MCU: variants seen among roughly 807,000 people sequenced by gnomAD.
MCU encodes mitochondrial calcium uniporter, also known as calcium uniporter protein, mitochondrial.
MCU carries 12 observed loss-of-function variants against 45.2 expected under a neutral mutation model. The ratio of observed to expected loss-of-function variants is 0.27; its 90% CI spans 0.17 to 0.43. MCU has a LOEUF of 0.43. Among genes scored for constraint, MCU ranks in the 20% least tolerant of loss-of-function variants. The pLI is 1.00. For missense variants in MCU, 324 were observed against 436.7 expected, an observed-to-expected ratio of 0.74 and a Z score of 2.30; for synonymous variants, 160 against 165.1, an observed-to-expected ratio of 0.97 and a Z score of 0.24.
chr10:72,779,347 G>A (rs1843952823), intron 1 of MCU, among the ~76,000 whole-genome samples: 1 of 152,216 alleles, frequency 6.6e-6, no homozygotes, highest in African/African-American at 2.4e-5. Flanking sequence ...GACAACAGGT[G>A]TAAACCTTCA....
intron 1 of MCU, among the ~76,000 whole-genome samples, chr10:72,795,738 G>A (rs1021419302): frequency 1.3e-5 from 2 of 152,132 alleles, no homozygotes; most frequent in Non-Finnish European, 2.9e-5. Flanking sequence ...AGTGGCTTAT[G>A]CCTGTAATCC....
chr10:72,758,498 T>A (rs1436967602), intron 1 of MCU, among the ~76,000 whole-genome samples: 1 of 152,200 alleles, frequency 6.6e-6, no homozygotes, highest in South Asian at 2.1e-4. Context: ...GGTGTATGTA[T>A]GAAACCTCAG....
At chr10:72,805,101 C>CTCTCTTTCTTTCTT in intron 1 of MCU, among the ~76,000 whole-genome samples, 1 of 103,454 alleles carries the variant, frequency 9.7e-6, no homozygotes, top group African/African-American at 4.3e-5. Context: ...TTCTTTCTTT[C>CTCTCTTTCTTTCTT]TCTTTCTTTC....
chr10:72,702,814 T>TAAA (rs996798167), intron 1 of MCU, among the ~76,000 whole-genome samples: 6 of 151,536 alleles, frequency 4.0e-5, no homozygotes, highest in African/African-American at 1.2e-4. Flanking sequence ...CCATCCCTAC[T>TAAA]AAAAAAATAC....
At chr10:72,755,049 G>A (rs1459542292) in intron 1 of MCU, among the ~76,000 whole-genome samples, 1 of 152,026 alleles carries the variant, frequency 6.6e-6, no homozygotes, top group Non-Finnish European at 1.5e-5. Context: ...AGTTAGGAAG[G>A]GAATATAATA....
intron 2 of MCU, among the ~76,000 whole-genome samples, chr10:72,851,200 A>C (rs912170933): frequency 6.6e-6 from 1 of 152,204 alleles, no homozygotes; most frequent in Non-Finnish European, 1.5e-5. Flanking sequence ...AAAAAGCATC[A>C]TGCTCTTTAA....
intron 1 of MCU, among the ~76,000 whole-genome samples, chr10:72,700,412 A>G (rs1454251037): frequency 6.6e-6 from 1 of 152,138 alleles, no homozygotes; most frequent in Non-Finnish European, 1.5e-5. Flanking sequence ...ATTACTCTCT[A>G]ATTTAGATTA....
chr10:72,830,831 G>T (rs971661814), intron 1 of MCU, among the ~76,000 whole-genome samples: 1 of 152,150 alleles, frequency 6.6e-6, no homozygotes, highest in Non-Finnish European at 1.5e-5. Context: ...ACCTGTGGTC[G>T]CAGATCCCCA....
chr10:72,882,358 C>T (rs866880960), intron 6 of MCU, among the ~76,000 whole-genome samples: 12 of 152,266 alleles, frequency 7.9e-5, no homozygotes, highest in South Asian at 4.2e-4. Context: ...AAACTCTGAC[C>T]GCCAGTGAGC....
intron 6 of MCU, among the ~76,000 whole-genome samples, chr10:72,877,009 C>T (rs991486380): frequency 2.0e-5 from 3 of 151,070 alleles, no homozygotes; most frequent in African/African-American, 7.3e-5. Context: ...GAAGCATCTA[C>T]CTCTCAGACC....
chr10:72,724,053 G>A (rs933694757), intron 1 of MCU, among the ~76,000 whole-genome samples: 1 of 152,182 alleles, frequency 6.6e-6, no homozygotes, highest in Non-Finnish European at 1.5e-5. Flanking sequence ...GAAATAGCTT[G>A]TGATTCTTTA....
chr10:72,783,540 G>C (rs1420179185), intron 1 of MCU, among the ~76,000 whole-genome samples: 1 of 152,172 alleles, frequency 6.6e-6, no homozygotes, highest in Non-Finnish European at 1.5e-5. Context: ...TCCTAGGAGA[G>C]TTTACTTAGT....
chr10:72,721,773 G>T (rs1397831124), intron 1 of MCU, among the ~76,000 whole-genome samples: 1 of 152,132 alleles, frequency 6.6e-6, no homozygotes, highest in Non-Finnish European at 1.5e-5. Flanking sequence ...CTAGTGCCTT[G>T]CTGTAGTGAT....
intron 1 of MCU, among the ~76,000 whole-genome samples, chr10:72,785,928 G>A (rs931656359): frequency 1.3e-5 from 2 of 152,098 alleles, no homozygotes; most frequent in African/African-American, 2.4e-5. Context: ...TGTATTGCAC[G>A]CTTTAGAGAT....
intron 1 of MCU, among the ~76,000 whole-genome samples, chr10:72,823,376 C>A (rs1255032108): frequency 1.3e-5 from 2 of 152,186 alleles, no homozygotes; most frequent in African/African-American, 4.8e-5. Context: ...GGTCTCTCAA[C>A]TGTGTAAAGT....
At chr10:72,760,105 C>T (rs566489317) in intron 1 of MCU, among the ~76,000 whole-genome samples, 2 of 151,536 alleles carry the variant, frequency 1.3e-5, no homozygotes, top group East Asian at 1.9e-4. Flanking sequence ...AGTGTAGTTG[C>T]GTGATCACAG....
intron 1 of MCU, among the ~76,000 whole-genome samples, chr10:72,817,916 A>G (rs1214339637): frequency 6.6e-6 from 1 of 152,208 alleles, no homozygotes; most frequent in African/African-American, 2.4e-5. Flanking sequence ...TGCATGTACT[A>G]AGTACTTTAA....
intron 1 of MCU, among the ~76,000 whole-genome samples, chr10:72,706,351 A>G (rs1010684737): frequency 3.3e-5 from 5 of 152,104 alleles, no homozygotes; most frequent in Non-Finnish European, 7.3e-5. Flanking sequence ...CTAGTGACTC[A>G]GAAGGTATAA....
intron 1 of MCU, among the ~76,000 whole-genome samples, chr10:72,741,900 C>T (rs1041223269): frequency 1.3e-5 from 2 of 151,422 alleles, no homozygotes; most frequent in Non-Finnish European, 2.9e-5. Context: ...TGGTGGCGGG[C>T]GCCTGTAGTC....
Sources: allele counts gnomAD v4.1 joint callset (sites outside exome capture counted in the v4.1 genomes callset), GRCh38; gene constraint gnomAD v4.1.1; transcripts MANE v1.5; gene names NCBI Gene and HGNC (gene_info 2026-07-23, HGNC 2026-07-21).